The following MTHFD1L variants were observed in gnomAD, a reference collection of about 807,000 sequenced individuals.
The protein encoded by MTHFD1L is monofunctional C1-tetrahydrofolate synthase, mitochondrial.
In MTHFD1L, 81 loss-of-function variants were observed where a neutral mutation model predicts 119.5. That is an observed-to-expected ratio of 0.68 (90% confidence interval 0.57 to 0.82). The LOEUF is 0.82. MTHFD1L is among the 40% of genes least tolerant of loss of function. The pLI is 0.00. For missense variants in MTHFD1L, 1,125 were observed against 1,253.4 expected (o/e 0.90, Z 1.55); for synonymous variants, 430 against 475.2 (o/e 0.90, Z 1.24).
At chr6:150,891,281 C>T (rs553363085) in intron 7 of MTHFD1L, among the ~76,000 whole-genome samples, 5 of 151,924 alleles carry the variant, frequency 3.3e-5, no homozygotes, top group South Asian at 4.2e-4. Context: ...CTACCGCGCC[C>T]GGGCTGGAAG....
intron 7 of MTHFD1L, among the ~76,000 whole-genome samples, chr6:150,904,048 T>C (rs770737784): frequency 1.3e-5 from 2 of 152,210 alleles, no homozygotes; most frequent in Non-Finnish European, 2.9e-5. Context: ...AGGACTGTCA[T>C]GGGTTTGCTC....
chr6:150,898,325 G>T (rs1270332646), intron 7 of MTHFD1L, among the ~76,000 whole-genome samples: 1 of 152,140 alleles, frequency 6.6e-6, no homozygotes, highest in Admixed American at 6.5e-5. Flanking sequence ...CTGGCAAGGA[G>T]CAGTGTCTGG....
intron 5 of MTHFD1L, among the ~76,000 whole-genome samples, chr6:150,884,205 G>T (rs185463196): frequency 1.1e-4 from 16 of 147,804 alleles, no homozygotes; most frequent in African/African-American, 4.0e-4. Context: ...GCAGTGACAC[G>T]ATCTCGGCTC....
In MTHFD1L at chr6:150,968,292, A is replaced by G. The variant is rs143306552; in HGVS notation, c.2013+3255A>G. On this transcript the variant is annotated intron_variant, in intron 19 of 27. Coordinates refer to ENST00000367321, the MANE Select transcript of MTHFD1L (RefSeq NM_015440.5). ...ATCTCCAGCTTCTAGAAAGTGCCCGACACCTATTAGAGGTTCAGTAAAGAC... is the reference window on the plus strand; with the variant it reads ...ATCTCCAGCTTCTAGAAAGTGCCCGGCACCTATTAGAGGTTCAGTAAAGAC... Among the ~76,000 whole-genome samples the G allele has an allele frequency of 6.3e-3, 961 of 152,070 alleles. 6 individuals are homozygous for G. Among genetic ancestry groups the G allele is most frequent in the Non-Finnish European group, 0.01 (702 of 67,980 alleles).
chr6:150,878,659 G>A (rs1445220188), intron 4 of MTHFD1L, among the ~76,000 whole-genome samples: 1 of 152,190 alleles, frequency 6.6e-6, no homozygotes, highest in South Asian at 2.1e-4. Context: ...CTGCTCTGCC[G>A]CCTTTGTGGT....
chr6:150,868,962 G>A (rs1778927158), intron 1 of MTHFD1L, among the ~76,000 whole-genome samples: 1 of 152,182 alleles, frequency 6.6e-6, no homozygotes, highest in Admixed American at 6.5e-5. Context: ...TCAGAAGGCT[G>A]AGGCAGGAGG....
intron 20 of MTHFD1L, among the ~76,000 whole-genome samples, chr6:151,000,335 CAAAAAAAA>C (rs946814251): frequency 1.3e-5 from 1 of 75,304 alleles, no homozygotes; most frequent in Admixed American, 1.2e-4. Flanking sequence ...GACTCTGTCT[CAAAAAAAA>C]AAAAAAAAAG....
intron 26 of MTHFD1L, among the ~76,000 whole-genome samples, chr6:151,038,779 T>C (rs1197599893): frequency 1.3e-5 from 2 of 152,060 alleles, no homozygotes; most frequent in Non-Finnish European, 2.9e-5. Context: ...ATTGCAGACA[T>C]ACTCTAAAAG....
At chr6:150,870,433 A>T (rs1335293328) in intron 1 of MTHFD1L, among the ~76,000 whole-genome samples, 1 of 151,734 alleles carries the variant, frequency 6.6e-6, no homozygotes, top group South Asian at 2.1e-4. Flanking sequence ...GTAGCGTTGA[A>T]CTCCTTTACA....
At chr6:150,938,476 T>C (rs1158580066) in intron 12 of MTHFD1L, among the ~76,000 whole-genome samples, 1 of 152,190 alleles carries the variant, frequency 6.6e-6, no homozygotes, top group East Asian at 1.9e-4. Flanking sequence ...TTTACCTTTT[T>C]TTTTTAAGCA....
At chr6:151,065,153 A>G (rs373834910) in intron 26 of MTHFD1L, among the ~76,000 whole-genome samples, 10 of 152,214 alleles carry the variant, frequency 6.6e-5, no homozygotes, top group African/African-American at 2.4e-4. Flanking sequence ...ATGCCTGGTG[A>G]TGGCGTTTAA....
rs569592469 is a variant in MTHFD1L, at chr6:150,939,096, A to C, written c.1440+351A>C. ...CTTCCTAAACTTCAAAAAATTCAGAATCTTGAAACCCTGCTGGCCTTGCGG... is the reference window on the plus strand; with the variant it reads ...CTTCCTAAACTTCAAAAAATTCAGACTCTTGAAACCCTGCTGGCCTTGCGG... On this transcript the variant is annotated intron_variant, in intron 13 of 27. Coordinates refer to ENST00000367321, the MANE Select transcript of MTHFD1L (RefSeq NM_015440.5). 4 of 241,936 alleles carry C rather than the reference A, an allele frequency of 1.7e-5. No homozygotes were observed. The South Asian group carries it at 2.7e-4, about 16-fold the overall frequency. 15.0% of individuals were successfully genotyped at this position (241,936 alleles called of 1,614,324 possible). A position where few individuals can be genotyped will look rare whatever the true frequency, so the allele number is the denominator to read the frequency against.
intron 24 of MTHFD1L, among the ~76,000 whole-genome samples, chr6:151,030,937 C>CT (rs1785260129): frequency 6.6e-6 from 1 of 152,186 alleles, no homozygotes; most frequent in Non-Finnish European, 1.5e-5. Flanking sequence ...TCCCAGCAAC[C>CT]TGGGAGGCCA....
At chr6:150,996,354 T>TG (rs1363755358) in intron 20 of MTHFD1L, among the ~76,000 whole-genome samples, 6 of 151,972 alleles carry the variant, frequency 3.9e-5, no homozygotes, top group South Asian at 2.1e-4. Context: ...TTTCCTTTTT[T>TG]TGCAGAGGTG....
At chr6:150,970,686 C>T (rs1478446037) in intron 19 of MTHFD1L, among the ~76,000 whole-genome samples, 2 of 152,024 alleles carry the variant, frequency 1.3e-5, no homozygotes, top group African/African-American at 4.8e-5. Context: ...AAAATAAAAC[C>T]CAGAACTCAA....
At chr6:150,871,734 C>G (rs2128726020) in intron 1 of MTHFD1L, among the ~76,000 whole-genome samples, 1 of 151,606 alleles carries the variant, frequency 6.6e-6, no homozygotes, top group South Asian at 2.1e-4. Context: ...GAACTCCTGA[C>G]CTTGTGATCC....
intron 16 of MTHFD1L, among the ~76,000 whole-genome samples, chr6:150,954,772 C>T (rs1320520098): frequency 2.6e-5 from 4 of 151,880 alleles, no homozygotes; most frequent in Non-Finnish European, 4.4e-5. Flanking sequence ...CTCAAGCAAT[C>T]CTCCCACCTC....
chr6:151,015,457 T>C (rs1782914201), intron 23 of MTHFD1L, 59 bp from the exon 24 acceptor site: 2 of 1,543,474 alleles, frequency 1.3e-6, no homozygotes, highest in Non-Finnish European at 1.7e-6. Flanking sequence ...GGTGAGTCTT[T>C]CTTTGAAAAC....
intron 24 of MTHFD1L, among the ~76,000 whole-genome samples, chr6:151,017,461 C>T (rs1260609764): frequency 3.3e-5 from 5 of 151,936 alleles, no homozygotes; most frequent in Admixed American, 1.3e-4. Flanking sequence ...ATTCTCCTGC[C>T]TCAGGCTCCC....
Sources: gnomAD v4.1 joint callset for allele counts (sites outside exome capture counted in the v4.1 genomes callset) on GRCh38, gnomAD v4.1.1 for gene constraint, MANE v1.5 for transcripts, NCBI Gene and HGNC (gene_info 2026-07-23, HGNC 2026-07-21) for gene names.